The following RFPL4A variants were observed in gnomAD, a reference collection of about 807,000 sequenced individuals.
The protein encoded by RFPL4A is ret finger protein like 4A, also known as ret finger protein-like 4A.
Under a neutral mutation model 8.3 loss-of-function variants are expected in RFPL4A, and 4 were observed. That is an observed-to-expected ratio of 0.48 (90% CI 0.24 to 1.10). RFPL4A has a LOEUF of 1.10. Ranked by LOEUF, RFPL4A falls within the 50% of genes least tolerant of loss-of-function variation. The probability of loss-of-function intolerance (pLI) is 0.18; values close to 1 mark genes in which losing one functional copy is unlikely to be tolerated. For missense variants in RFPL4A, 111 were observed against 358.7 expected (o/e 0.31, Z 5.58); for synonymous variants, 43 against 136.6 (o/e 0.31, Z 4.78).
chr19:55,759,699 A>ATTTTTTTTTTTTTTTTTTTTTTTTTT (rs1568614250), intron 1 of RFPL4A, among the ~76,000 whole-genome samples: 1 of 151,314 alleles, frequency 6.6e-6, no homozygotes, highest in East Asian at 2.0e-4. Flanking sequence ...TATTTCTTTA[A>ATTTTTTTTTTTTTTTTTTTTTTTTTT]TTGTTTTGAG....
In RFPL4A at chr19:55,763,131, A is replaced by G. The variant is rs1447615313; in HGVS notation, c.820A>G (p.Asn274Asp). The G allele has an allele frequency of 6.5e-7, 1 of 1,538,972 alleles. No individual in the cohort carries two copies. The highest frequency in any genetic ancestry group is 1.5e-5 in the African/African-American group (1 of 64,630). Residue 274 changes from asparagine to aspartate, a missense_variant, in exon 3 of 3, where the codon AAT becomes GAT. Physicochemically the swap from Asn to Asp is conservative, Grantham distance 23. Transcript: ENST00000434937. ...QSILSICSVI[N>D]PSAASAPVSS... The stretch of plus-strand genomic sequence containing the variant: ...CATCCTGAGTATCTGTTCTGTGATC[A>G]ATCCATCCGCTGCCAGTGCCCCAGT...
At chr19:55,760,933 A>G (rs369565769) in intron 1 of RFPL4A, among the ~76,000 whole-genome samples, 388 of 138,446 alleles carry the variant, frequency 2.8e-3, no homozygotes, top group Middle Eastern at 7.7e-3. Context: ...TCAGAGAAAT[A>G]TCTATTCAGG....
intron 1 of RFPL4A, among the ~76,000 whole-genome samples, chr19:55,759,809 G>C (rs1037602503): frequency 6.6e-6 from 1 of 151,440 alleles, no homozygotes; most frequent in Non-Finnish European, 1.5e-5. Context: ...ATCATACAGT[G>C]TTTACTTCCC....
At chr19:55,757,959 A>G (rs867026713), upstream of RFPL4A, among the ~76,000 whole-genome samples, 454 of 152,250 alleles carry the variant, frequency 3.0e-3, no homozygotes, top group African/African-American at 0.011. Context: ...CCATAAAATT[A>G]CAAGCTGGAG....
In RFPL4A at chr19:55,762,607, C is replaced by G; in HGVS notation, c.296C>G (p.Thr99Arg). 2 of 1,551,732 alleles carry G rather than the reference C, an allele frequency of 1.3e-6. No individual in the cohort carries two copies. Among genetic ancestry groups the G allele is most frequent in the South Asian group, 2.4e-5 (2 of 84,036 alleles). ...PRMRKFQVDMTFDVDTANNYL... is the reference protein window; with the variant it reads ...PRMRKFQVDMRFDVDTANNYL... ...GTTCTTCTTTGCACAGTGGATATGA[C>G]GTTCGATGTGGACACAGCCAACAAC... The change falls in exon 3 of 3, where the codon ACG becomes AGG. Residue 99 changes from threonine to arginine, a missense_variant. Physicochemically the swap from Thr to Arg is moderately conservative, Grantham distance 71. Coordinates refer to ENST00000434937, the MANE Select transcript of RFPL4A (RefSeq NM_001145014.2).
intron 1 of RFPL4A, among the ~76,000 whole-genome samples, 184 bp from the exon 2 acceptor site, chr19:55,761,605 ATAT>A (rs1989283096): frequency 6.7e-6 from 1 of 148,360 alleles, no homozygotes; most frequent in Non-Finnish European, 1.5e-5. Context: ...AGTATTACAG[ATAT>A]TAGAAGTTCA....
chr19:55,759,944 G>T (rs10415942), intron 1 of RFPL4A, among the ~76,000 whole-genome samples: 52,976 of 151,192 alleles, frequency 0.35, 10,634 homozygotes, highest in African/African-American at 0.54. Flanking sequence ...CCTCATCCAT[G>T]TTTCTCTCAT....
chr19:55,757,847 G>T (rs1272816220), upstream of RFPL4A, among the ~76,000 whole-genome samples: 2 of 151,428 alleles, frequency 1.3e-5, no homozygotes, highest in Non-Finnish European at 2.9e-5. Flanking sequence ...CACAACTGAG[G>T]CCACCTGGTA....
rs371808615 is a variant in RFPL4A at position 55,761,884 on chromosome 19, T to C, written c.84T>C (p.Tyr28=). ...AAGCCGTGCAACTGAAATGTGGATA[T>C]GCCTGCTGCCTCCAGTGCCTCAATT... ...LEEAVQLKCG[Y]ACCLQCLNSL... The change falls in exon 2 of 3, where the codon TAT becomes TAC. Residue 28 remains tyrosine (Y), a synonymous_variant. Transcript: ENST00000434937. 55 of 1,500,570 alleles carry C rather than the reference T, an allele frequency of 3.7e-5. 2 individuals are homozygous for C. The highest frequency in any genetic ancestry group is 8.0e-5 in the Admixed American group (4 of 50,004). 93.0% of individuals were successfully genotyped at this position (1,500,570 alleles called of 1,614,324 possible). A position where few individuals can be genotyped will look rare whatever the true frequency, so the allele number is the denominator to read the frequency against.
In RFPL4A at chr19:55,761,793, C is replaced by T. The variant is rs1249602107; in HGVS notation, c.-8C>T. On this transcript the variant is annotated splice_region_variant and 5_prime_UTR_variant, in exon 2 of 3. Coordinates refer to ENST00000434937, the MANE Select transcript of RFPL4A (RefSeq NM_001145014.2). ...TCTGTGTTCATTTTTTTTCTATAGA[C>T]ATTTGCCATGGCTGAGCACTTCAAA... 7.1e-7 allele frequency: 1 copy of T among 1,403,382 alleles called. No individual in the cohort carries two copies. The highest frequency in any genetic ancestry group is 2.5e-5 in the East Asian group (1 of 40,172). 86.9% of individuals were successfully genotyped at this position (1,403,382 alleles called of 1,614,324 possible).
chr19:55,759,931 T>C (rs1432667851), intron 1 of RFPL4A, among the ~76,000 whole-genome samples: 1 of 151,750 alleles, frequency 6.6e-6, no homozygotes, highest in Non-Finnish European at 1.5e-5. Flanking sequence ...TATACCACCA[T>C]TTCCTCATCC....
chr19:55,759,598 A>G (rs141278426), intron 1 of RFPL4A, among the ~76,000 whole-genome samples: 224 of 151,932 alleles, frequency 1.5e-3, no homozygotes, highest in East Asian at 0.014. Flanking sequence ...GAGAAAGGGA[A>G]GGAAATGAAA....
chr19:55,757,551 C>T (rs10425892), upstream of RFPL4A, among the ~76,000 whole-genome samples: 45,566 of 151,434 alleles, frequency 0.3, 7,516 homozygotes, highest in African/African-American at 0.44. Context: ...CAGAAGACCC[C>T]TAAAGTACTG....
chr19:55,760,176 C>T (rs1441362059), intron 1 of RFPL4A, among the ~76,000 whole-genome samples: 1 of 151,666 alleles, frequency 6.6e-6, no homozygotes, highest in Non-Finnish European at 1.5e-5. Context: ...ACAAGGGTTC[C>T]CCTTTCTCCA....
intron 1 of RFPL4A, among the ~76,000 whole-genome samples, chr19:55,761,001 GA>G (rs1187489632): frequency 1.4e-5 from 2 of 143,440 alleles, no homozygotes; most frequent in Admixed American, 6.9e-5. Flanking sequence ...CTACAGCCTT[GA>G]AAATATTCCT....
chr19:55,761,471 C>T (rs979765800), intron 1 of RFPL4A, among the ~76,000 whole-genome samples: 2 of 139,050 alleles, frequency 1.4e-5, no homozygotes, highest in African/African-American at 5.4e-5. Context: ...CATTCAGATA[C>T]ACCCCATTTC....
chr19:55,760,876 A>C (rs1158601284), intron 1 of RFPL4A, among the ~76,000 whole-genome samples: 1 of 151,362 alleles, frequency 6.6e-6, no homozygotes, highest in East Asian at 2.0e-4. Context: ...ATGGTGAGTG[A>C]GGTTGAGCTT....
chr19:55,757,339 G>A (rs1248361808), upstream of RFPL4A, among the ~76,000 whole-genome samples: 1 of 151,664 alleles, frequency 6.6e-6, no homozygotes, highest in Non-Finnish European at 1.5e-5. Context: ...AAACCTGCAC[G>A]TTCTGCACAT....
At chr19:55,757,587 A>C (rs1989196547), upstream of RFPL4A, among the ~76,000 whole-genome samples, 1 of 152,010 alleles carries the variant, frequency 6.6e-6, no homozygotes, top group Non-Finnish European at 1.5e-5. Context: ...TGGGCAAGGA[A>C]ACTTTACCAC....
Sources: gnomAD v4.1 joint callset for allele counts (sites outside exome capture counted in the v4.1 genomes callset) on GRCh38, gnomAD v4.1.1 for gene constraint, MANE v1.5 for transcripts, NCBI Gene and HGNC (gene_info 2026-07-23, HGNC 2026-07-21) for gene names.